Variants in STK24 observed in about 807,000 individuals in gnomAD.
STK24 encodes serine/threonine-protein kinase 24.
STK24 carries 21 observed loss-of-function variants against 55.6 expected under a neutral mutation model. That is an observed-to-expected ratio of 0.38 (90% confidence interval 0.27 to 0.54). The LOEUF is 0.54. Among genes scored for constraint, STK24 ranks in the 20% least tolerant of loss-of-function variants. The pLI is 0.79. For synonymous variants in STK24, 200 were observed against 215.2 expected (o/e 0.93, Z 0.62); for missense variants, 383 against 538.4 (o/e 0.71, Z 2.86).
intron 2 of STK24, among the ~76,000 whole-genome samples, chr13:98,491,746 AAGAAT>A (rs1209450720): frequency 4.6e-5 from 7 of 152,310 alleles, no homozygotes; most frequent in Admixed American, 2.6e-4. Flanking sequence ...AAGGAAAGCA[AAGAAT>A]AGAATAAAGA....
At chr13:98,490,334 T>A (rs1476009900) in intron 2 of STK24, among the ~76,000 whole-genome samples, 1 of 152,154 alleles carries the variant, frequency 6.6e-6, no homozygotes, top group Non-Finnish European at 1.5e-5. Flanking sequence ...ACAAGTGAAC[T>A]ATTGCCAAAT....
intron 5 of STK24, among the ~76,000 whole-genome samples, chr13:98,471,003 T>G (rs948509790): frequency 6.6e-6 from 1 of 152,222 alleles, no homozygotes; most frequent in African/African-American, 2.4e-5. Context: ...TTTATGACCA[T>G]TAAGAGCAAC....
chr13:98,467,966 G>C (rs1424160312), intron 5 of STK24, among the ~76,000 whole-genome samples: 3 of 152,230 alleles, frequency 2.0e-5, no homozygotes, highest in Non-Finnish European at 4.4e-5. Context: ...CTTTCCTGCT[G>C]TTCTCACTGT....
chr13:98,487,703 T>A (rs1894859255), intron 2 of STK24, among the ~76,000 whole-genome samples: 1 of 152,222 alleles, frequency 6.6e-6, no homozygotes, highest in South Asian at 2.1e-4. Flanking sequence ...ACTTCCTCAT[T>A]TTTTTAACCA....
chr13:98,475,122 C>G, intron 4 of STK24, 128 bp downstream of exon 4: 2 of 1,398,494 alleles, frequency 1.4e-6, no homozygotes, highest in South Asian at 2.8e-5. Flanking sequence ...CCCCTCAAAG[C>G]CAGCCCAGCC....
chr13:98,476,343 G>A (rs919718092), intron 3 of STK24, among the ~76,000 whole-genome samples: 6 of 151,598 alleles, frequency 4.0e-5, no homozygotes, highest in Non-Finnish European at 8.8e-5. Flanking sequence ...CAGAAACGGA[G>A]CCAGACAGAG....
At chr13:98,524,730 G>T (rs1426079385) in intron 1 of STK24, among the ~76,000 whole-genome samples, 3 of 152,216 alleles carry the variant, frequency 2.0e-5, no homozygotes, top group Non-Finnish European at 4.4e-5. Flanking sequence ...GTGTCTATGG[G>T]GTGTCAGGGG....
At chr13:98,489,809 A>C (rs769800893) in intron 2 of STK24, among the ~76,000 whole-genome samples, 5 of 152,268 alleles carry the variant, frequency 3.3e-5, no homozygotes, top group Non-Finnish European at 7.3e-5. Flanking sequence ...TGGTGTTCAA[A>C]GTTAATTTAA....
intron 6 of STK24, among the ~76,000 whole-genome samples, chr13:98,464,695 C>T (rs573957061): frequency 6.6e-6 from 1 of 151,886 alleles, no homozygotes; most frequent in African/African-American, 2.4e-5. Context: ...CGGGATTTCA[C>T]CATGTTAGCC....
chr13:98,562,084 G>GCCA, intron 1 of STK24, among the ~76,000 whole-genome samples: 2 of 151,864 alleles, frequency 1.3e-5, no homozygotes, highest in African/African-American at 4.8e-5. Flanking sequence ...ATATGGAAAT[G>GCCA]TGGGATGATA....
At chr13:98,541,456 G>A (rs1023200131) in intron 1 of STK24, among the ~76,000 whole-genome samples, 1 of 152,172 alleles carries the variant, frequency 6.6e-6, no homozygotes, top group Non-Finnish European at 1.5e-5. Flanking sequence ...TTTCCTAATG[G>A]CAGTATTATG....
At chr13:98,460,655 C>T (rs1357598956) in intron 8 of STK24, among the ~76,000 whole-genome samples, 3 of 152,144 alleles carry the variant, frequency 2.0e-5, no homozygotes, top group South Asian at 2.1e-4. Context: ...GCAAAACCCA[C>T]GCACCGGGGA....
chr13:98,522,074 T>C (rs1896279826), intron 1 of STK24: 2 of 1,372,454 alleles, frequency 1.5e-6, no homozygotes, highest in African/African-American at 1.5e-5. Flanking sequence ...TCCCCACCAC[T>C]GCAGCCTGGC....
At chr13:98,553,857 T>A (rs1897217515) in intron 1 of STK24, 2 of 152,116 alleles carry the variant, frequency 1.3e-5, no homozygotes, top group African/African-American at 4.8e-5. Flanking sequence ...AGGTCAGGAA[T>A]TCGAGACCAA....
chr13:98,524,934 A>G (rs2139392265), intron 1 of STK24, among the ~76,000 whole-genome samples: 1 of 152,338 alleles, frequency 6.6e-6, no homozygotes, highest in East Asian at 1.9e-4. Context: ...GACTTTCAGA[A>G]CCCCTGGCCT....
chr13:98,576,354 C>T, intron 1 of STK24: 1 of 419,794 alleles, frequency 2.4e-6, no homozygotes. Flanking sequence ...GCCAACCCGG[C>T]CACCACGCAG....
intron 2 of STK24, among the ~76,000 whole-genome samples, chr13:98,495,038 TC>T (rs1895194958): frequency 6.6e-6 from 1 of 152,158 alleles, no homozygotes; most frequent in Non-Finnish European, 1.5e-5. Context: ...GCCTCCCAGC[TC>T]CGTCTAGCAC....
At chr13:98,459,000 G>A (rs1390899805) in intron 9 of STK24, among the ~76,000 whole-genome samples, 1 of 152,234 alleles carries the variant, frequency 6.6e-6, no homozygotes, top group African/African-American at 2.4e-5. Flanking sequence ...GAAAATCCAG[G>A]ATATGACGGC....
At chr13:98,545,794 G>A (rs1897015094) in intron 1 of STK24, among the ~76,000 whole-genome samples, 2 of 152,146 alleles carry the variant, frequency 1.3e-5, no homozygotes, top group African/African-American at 4.8e-5. Context: ...TTCTATATTA[G>A]ATGAAACATC....
Sources: allele counts gnomAD v4.1 joint callset (sites outside exome capture counted in the v4.1 genomes callset), GRCh38; gene constraint gnomAD v4.1.1; transcripts MANE v1.5; gene names NCBI Gene and HGNC (gene_info 2026-07-23, HGNC 2026-07-21).